ASTN2: variants seen among roughly 807,000 people sequenced by gnomAD.
ASTN2 encodes astrotactin-2.
A neutral mutation model predicts 139.8 loss-of-function variants in ASTN2; 54 were observed. The ratio of observed to expected loss-of-function variants is 0.39; its 90% confidence interval spans 0.31 to 0.48. The LOEUF (loss-of-function observed/expected upper bound fraction) is 0.48. Ranked by LOEUF, ASTN2 falls within the 20% of genes least tolerant of loss-of-function variation. The probability of loss-of-function intolerance (pLI) is 0.95; values close to 1 mark genes in which losing one functional copy is unlikely to be tolerated. For synonymous variants in ASTN2, 756 were observed against 719.5 expected (o/e 1.05, Z -0.81); for missense variants, 1,565 against 1,725.1 (o/e 0.91, Z 1.64).
chr9:117,324,681 A>T lies in ASTN2; in HGVS notation c.443-33168T>A, dbSNP rs535846225. Among the ~76,000 whole-genome samples the T allele has an allele frequency of 2.0e-5, 3 of 152,254 alleles. No homozygotes were observed. In the South Asian group the frequency reaches 6.2e-4, roughly 32 times the overall value. On this transcript the variant is annotated intron_variant, in intron 1 of 22. Transcript: ENST00000313400. ...GGATCCTTCAAAAAACTAGAAAAAA[A>T]ATTATGCAATCCCAGTACATAGATT...
At chr9:116,477,078 T>G (rs928664304) in intron 20 of ASTN2, among the ~76,000 whole-genome samples, 1 of 151,034 alleles carries the variant, frequency 6.6e-6, no homozygotes, top group Admixed American at 6.6e-5. Context: ...GTCTGTGCCC[T>G]GTCCCTCTGG....
chr9:116,978,052 T>G (rs572973117), intron 7 of ASTN2, among the ~76,000 whole-genome samples: 1 of 152,286 alleles, frequency 6.6e-6, no homozygotes, highest in African/African-American at 2.4e-5. Context: ...TTACTGCTTT[T>G]TTCTCCAAGG....
At chr9:117,035,882 T>C (rs1350127605) in intron 6 of ASTN2, among the ~76,000 whole-genome samples, 2 of 152,198 alleles carry the variant, frequency 1.3e-5, no homozygotes, top group Non-Finnish European at 2.9e-5. Context: ...TATTCCCTTT[T>C]CCATTCACCT....
chr9:117,375,268 G>C (rs902887520), intron 1 of ASTN2, among the ~76,000 whole-genome samples: 3 of 152,146 alleles, frequency 2.0e-5, no homozygotes, highest in Non-Finnish European at 4.4e-5. Flanking sequence ...ATTTGTGTTT[G>C]GAAGGTCATC....
At chr9:116,427,943 A>C (rs778792293) in intron 22 of ASTN2, among the ~76,000 whole-genome samples, 12 of 152,232 alleles carry the variant, frequency 7.9e-5, no homozygotes, top group Non-Finnish European at 1.8e-4. Flanking sequence ...AACATCTCTA[A>C]ATCTGTTTCT....
chr9:117,180,010 C>A (rs1336617247), intron 3 of ASTN2, among the ~76,000 whole-genome samples: 1 of 152,214 alleles, frequency 6.6e-6, no homozygotes, highest in Non-Finnish European at 1.5e-5. Flanking sequence ...AATGGCAGAT[C>A]TGCAGCAAAG....
chr9:116,865,271 G>A (rs1273768263), intron 10 of ASTN2, among the ~76,000 whole-genome samples: 1 of 151,894 alleles, frequency 6.6e-6, no homozygotes, highest in Non-Finnish European at 1.5e-5. Context: ...AGGAGTTCAA[G>A]ACCAGCTTAG....
chr9:116,842,206 A>G (rs919257815), intron 11 of ASTN2, among the ~76,000 whole-genome samples: 1 of 152,192 alleles, frequency 6.6e-6, no homozygotes, highest in African/African-American at 2.4e-5. Context: ...ATAGTCTTGG[A>G]TGTACAGATT....
At chr9:116,964,241 G>GTGTT (rs1177486186) in intron 10 of ASTN2, among the ~76,000 whole-genome samples, 8 of 136,038 alleles carry the variant, frequency 5.9e-5, no homozygotes, top group Non-Finnish European at 9.6e-5. Flanking sequence ...GTGTGTGTGT[G>GTGTT]TGTGTGTGTG....
chr9:116,535,265 G>A (rs749099465), intron 19 of ASTN2, among the ~76,000 whole-genome samples: 1 of 152,166 alleles, frequency 6.6e-6, no homozygotes, highest in African/African-American at 2.4e-5. Context: ...CTCTGCACAT[G>A]AGATGGATAT....
At chr9:116,578,588 C>T (rs1409148086) in intron 19 of ASTN2, among the ~76,000 whole-genome samples, 1 of 149,726 alleles carries the variant, frequency 6.7e-6, no homozygotes, top group Non-Finnish European at 1.5e-5. Flanking sequence ...GTAGCAGAGT[C>T]AGGATTTGAA....
At position 116,437,292 on chromosome 9, in the gene ASTN2, C is replaced by T. The variant is rs192057729; in HGVS notation, c.3782+3317G>A. On this transcript the variant is annotated intron_variant, in intron 22 of 22. Coordinates refer to ENST00000313400, the MANE Select transcript of ASTN2 (RefSeq NM_001365068.1). ...GAAAGCGGCAGAGCCCAGGGTTGCA[C>T]AGTGAGCTTATTAGCAGCACCAGGA... The T allele has an allele frequency of 1.7e-3, 778 of 471,172 alleles. 5 individuals are homozygous for T. Among genetic ancestry groups the T allele is most frequent in the African/African-American group, 0.013 (654 of 50,190 alleles). 29.2% of individuals were successfully genotyped at this position (471,172 alleles called of 1,614,324 possible).
intron 1 of ASTN2, among the ~76,000 whole-genome samples, chr9:117,408,662 T>C (rs1831076538): frequency 6.6e-6 from 1 of 152,090 alleles, no homozygotes; most frequent in Non-Finnish European, 1.5e-5. Context: ...TTCAGGAAAA[T>C]GATCAAGCCA....
At chr9:116,578,276 G>C (rs973836046) in intron 19 of ASTN2, among the ~76,000 whole-genome samples, 3 of 152,078 alleles carry the variant, frequency 2.0e-5, no homozygotes, top group Admixed American at 1.3e-4. Flanking sequence ...GAAAAATTGA[G>C]TCTCAGGAAA....
chr9:116,636,038 G>A (rs1344578600), intron 17 of ASTN2, among the ~76,000 whole-genome samples: 1 of 152,172 alleles, frequency 6.6e-6, no homozygotes, highest in Non-Finnish European at 1.5e-5. Flanking sequence ...ATGCCAAACT[G>A]TAGTGGAAAA....
At chr9:117,303,679 T>C (rs1467753319) in intron 1 of ASTN2, among the ~76,000 whole-genome samples, 1 of 152,230 alleles carries the variant, frequency 6.6e-6, no homozygotes, top group Non-Finnish European at 1.5e-5. Context: ...TTTACCAACC[T>C]AACTCTTAAT....
intron 10 of ASTN2, among the ~76,000 whole-genome samples, chr9:116,952,765 AGCCGAGCAATC>A (rs1835600198): frequency 6.6e-6 from 1 of 152,200 alleles, no homozygotes; most frequent in Non-Finnish European, 1.5e-5. Context: ...TTCCTCAGCT[AGCCGAGCAATC>A]GCCGTTGGAG....
At chr9:116,744,711 C>A (rs1250341966) in intron 13 of ASTN2, among the ~76,000 whole-genome samples, 1 of 152,146 alleles carries the variant, frequency 6.6e-6, no homozygotes, top group Non-Finnish European at 1.5e-5. Flanking sequence ...AGAGACCTGC[C>A]TCCCCAGTAT....
intron 3 of ASTN2, chr9:117,180,646 G>A: frequency 8.7e-7 from 1 of 1,153,670 alleles, no homozygotes; most frequent in Non-Finnish European, 1.2e-6. Context: ...TTTTTTTTTG[G>A]ACAGGAAGTA....
Sources: allele counts gnomAD v4.1 joint callset (sites outside exome capture counted in the v4.1 genomes callset), GRCh38; gene constraint gnomAD v4.1.1; transcripts MANE v1.5; gene names NCBI Gene and HGNC (gene_info 2026-07-23, HGNC 2026-07-21).